The following PTPRD variants were observed in gnomAD, a reference collection of about 807,000 sequenced individuals.
PTPRD encodes receptor-type tyrosine-protein phosphatase delta.
PTPRD carries 34 observed loss-of-function variants against 214.5 expected under a neutral mutation model. That is an observed-to-expected ratio of 0.16 (90% CI 0.12 to 0.21). PTPRD has a LOEUF of 0.21. PTPRD is among the 10% of genes least tolerant of loss of function. The pLI, the probability that PTPRD is intolerant of heterozygous loss-of-function variation, is 1.00. For synonymous variants in PTPRD, 1,128 were observed against 845.7 expected (o/e 1.33, Z -5.79); for missense variants, 2,545 against 2,398.7 (o/e 1.06, Z -1.27).
At chr9:9,643,043 G>A (rs2096019043) in intron 7 of PTPRD, among the ~76,000 whole-genome samples, 1 of 152,182 alleles carries the variant, frequency 6.6e-6, no homozygotes, top group African/African-American at 2.4e-5. Flanking sequence ...TAAAATATGA[G>A]TTTCCATGAG....
intron 10 of PTPRD, among the ~76,000 whole-genome samples, chr9:9,152,629 T>C (rs1455376237): frequency 3.9e-5 from 6 of 152,184 alleles, no homozygotes. Flanking sequence ...CCAAATGAAT[T>C]GCTTGACTGT....
chr9:9,215,900 G>A (rs973332117), intron 9 of PTPRD, among the ~76,000 whole-genome samples: 1 of 152,168 alleles, frequency 6.6e-6, no homozygotes. Flanking sequence ...AGACAGATTA[G>A]TAAATGGACA....
intron 35 of PTPRD, among the ~76,000 whole-genome samples, chr9:8,417,555 G>A (rs762879908): frequency 2.6e-5 from 4 of 152,154 alleles, no homozygotes; most frequent in Non-Finnish European, 1.5e-5. Context: ...GAAAGCTTCT[G>A]AAAGCTTGTC....
intron 9 of PTPRD, among the ~76,000 whole-genome samples, chr9:9,374,700 AG>A (rs2060337988): frequency 6.6e-6 from 1 of 152,206 alleles, no homozygotes; most frequent in Non-Finnish European, 1.5e-5. Context: ...AGTATTGCCA[AG>A]TTTACCTAAG....
intron 3 of PTPRD, among the ~76,000 whole-genome samples, chr9:10,323,726 C>T (rs1216048668): frequency 1.3e-5 from 2 of 151,916 alleles, no homozygotes; most frequent in African/African-American, 2.4e-5. Flanking sequence ...TAAACTTTGT[C>T]TGCTGAAAGA....
intron 3 of PTPRD, among the ~76,000 whole-genome samples, chr9:10,078,913 T>C (rs2098183374): frequency 6.6e-6 from 1 of 152,134 alleles, no homozygotes; most frequent in Non-Finnish European, 1.5e-5. Flanking sequence ...CACCATCTGG[T>C]TGCCTTCTTC....
chr9:9,997,106 A>G (rs1639132931), intron 4 of PTPRD, among the ~76,000 whole-genome samples: 1 of 152,174 alleles, frequency 6.6e-6, no homozygotes, highest in Non-Finnish European at 1.5e-5. Flanking sequence ...ATTAAGGAAA[A>G]CCTAAGAATA....
chr9:10,277,081 T>A (rs1016538251), intron 3 of PTPRD, among the ~76,000 whole-genome samples: 2 of 152,166 alleles, frequency 1.3e-5, no homozygotes, highest in Non-Finnish European at 2.9e-5. Flanking sequence ...AGACCCCTGA[T>A]TCATCATGTT....
chr9:10,308,445 T>C (rs2096158606), intron 3 of PTPRD, among the ~76,000 whole-genome samples: 1 of 152,098 alleles, frequency 6.6e-6, no homozygotes, highest in South Asian at 2.1e-4. Flanking sequence ...ACCAACACCA[T>C]GCTGTCTTGT....
chr9:9,579,676 C>A (rs1228456684), intron 7 of PTPRD, among the ~76,000 whole-genome samples: 1 of 152,092 alleles, frequency 6.6e-6, no homozygotes, highest in Admixed American at 6.6e-5. Flanking sequence ...AACTCTCCTA[C>A]CCTTCAGTTA....
chr9:9,855,516 A>T (rs182172603), intron 5 of PTPRD, among the ~76,000 whole-genome samples: 1 of 152,324 alleles, frequency 6.6e-6, no homozygotes, highest in East Asian at 1.9e-4. Flanking sequence ...GTAAAGCAGG[A>T]TATTTTCCTG....
intron 44 of PTPRD, among the ~76,000 whole-genome samples, chr9:8,330,139 G>T (rs1838512366): frequency 1.3e-5 from 2 of 152,230 alleles, no homozygotes; most frequent in Middle Eastern, 3.4e-3. Context: ...GAAATCCCCT[G>T]ACCCCTTGTG....
chr9:9,929,576 T>C (rs927145806), intron 5 of PTPRD, among the ~76,000 whole-genome samples: 2 of 152,114 alleles, frequency 1.3e-5, no homozygotes, highest in African/African-American at 4.8e-5. Context: ...ATATTTTTAG[T>C]AGAGACAGGG....
chr9:10,267,190 CAA>C (rs530164049), intron 3 of PTPRD, among the ~76,000 whole-genome samples: 36 of 76,018 alleles, frequency 4.7e-4, no homozygotes, highest in South Asian at 4.1e-3. Context: ...GACTCCGTCT[CAA>C]AAAAAAAAAA....
chr9:9,557,395 C>T (rs2081810516), intron 8 of PTPRD, among the ~76,000 whole-genome samples: 1 of 152,132 alleles, frequency 6.6e-6, no homozygotes, highest in Non-Finnish European at 1.5e-5. Context: ...CATTGCATAG[C>T]AGATAGCAAG....
rs115704457 is a variant in PTPRD, at chr9:9,171,154, A to G, written c.-143+12150T>C. 5.1e-3 allele frequency among the ~76,000 whole-genome samples: 771 copies of G among 152,232 alleles called. 4 individuals carry two copies. Among genetic ancestry groups the G allele is most frequent in the African/African-American group, 0.018 (735 of 41,544 alleles). ...AACTCTCTGCTTTAAGGAAGAACAT[A>G]AAAGGGTTGAGTGTGCTTATCATTG... On this transcript the variant is annotated intron_variant, in intron 10 of 45. Coordinates refer to ENST00000381196, the MANE Select transcript of PTPRD (RefSeq NM_002839.4).
rs1224671427 is a variant in PTPRD at position 10,340,951 on chromosome 9, G to A, written c.-545+12C>T. 6.6e-6 allele frequency: 1 copy of A among 152,012 alleles called. No homozygotes were observed. Among genetic ancestry groups the A allele is most frequent in the South Asian group, 2.1e-4 (1 of 4,822 alleles). 9.4% of individuals were successfully genotyped at this position (152,012 alleles called of 1,614,324 possible). ...TCTTATTATCTATTTCTAGTTCACA[G>A]ATATTACTTACTAGTTGTGTGACTT... is the stretch of plus-strand genomic sequence containing the variant. On this transcript the variant is annotated intron_variant, in intron 3 of 45. Transcript: ENST00000381196.
intron 10 of PTPRD, among the ~76,000 whole-genome samples, chr9:9,057,208 C>T (rs1461556927): frequency 6.6e-6 from 1 of 152,084 alleles, no homozygotes; most frequent in Non-Finnish European, 1.5e-5. Flanking sequence ...AATCAATGAA[C>T]AAGTTAAAAT....
intron 9 of PTPRD, among the ~76,000 whole-genome samples, chr9:9,262,364 A>G (rs2099980512): frequency 6.6e-6 from 1 of 151,072 alleles, no homozygotes; most frequent in Non-Finnish European, 1.5e-5. Flanking sequence ...TAATCAATAT[A>G]AAAATATTAA....
Sources: allele counts gnomAD v4.1 joint callset (sites outside exome capture counted in the v4.1 genomes callset), GRCh38; gene constraint gnomAD v4.1.1; transcripts MANE v1.5; gene names NCBI Gene and HGNC (gene_info 2026-07-23, HGNC 2026-07-21).